Variants in NOS1 observed in about 807,000 individuals in gnomAD.
NOS1 encodes NOS type I.
A neutral mutation model predicts 164.5 loss-of-function variants in NOS1; 51 were observed. The observed-to-expected ratio is 0.31, with a 90% CI of 0.25 to 0.39. NOS1 has a LOEUF of 0.39. Among genes scored for constraint, NOS1 ranks in the 10% least tolerant of loss-of-function variants. The pLI, the probability that NOS1 is intolerant of heterozygous loss-of-function variation, is 1.00. For synonymous variants in NOS1, 719 were observed against 745.8 expected, an observed-to-expected ratio of 0.96 and a Z score of 0.59; for missense variants, 1,362 against 1,885.6, an observed-to-expected ratio of 0.72 and a Z score of 5.14.
intron 1 of NOS1, among the ~76,000 whole-genome samples, chr12:117,342,982 C>A (rs1478854778): frequency 6.6e-6 from 1 of 152,140 alleles, no homozygotes; most frequent in Admixed American, 6.5e-5. Context: ...CAGCTCCTGG[C>A]TTCCACTAGT....
intron 3 of NOS1, among the ~76,000 whole-genome samples, chr12:117,304,438 C>G (rs916700876): frequency 8.5e-5 from 13 of 152,150 alleles, no homozygotes; most frequent in Non-Finnish European, 1.8e-4. Flanking sequence ...GCATTTTGTG[C>G]TCCTCTTTAT....
intron 1 of NOS1, among the ~76,000 whole-genome samples, chr12:117,353,883 T>G (rs995771820): frequency 2.0e-5 from 3 of 152,206 alleles, no homozygotes; most frequent in Non-Finnish European, 1.5e-5. Flanking sequence ...GAGGATCATT[T>G]GAGCCCAGGA....
At chr12:117,294,105 AC>A (rs1395938862) in intron 3 of NOS1, among the ~76,000 whole-genome samples, 2 of 152,080 alleles carry the variant, frequency 1.3e-5, no homozygotes. Flanking sequence ...ACAGGAAGGC[AC>A]CCCAGCCATT....
intron 10 of NOS1, among the ~76,000 whole-genome samples, chr12:117,269,132 G>A (rs1344822149): frequency 1.3e-5 from 2 of 152,098 alleles, no homozygotes; most frequent in African/African-American, 4.8e-5. Context: ...TGGGGGCTGG[G>A]CTAATTCAGC....
chr12:117,268,565 C>T (rs1872585490), intron 10 of NOS1, among the ~76,000 whole-genome samples: 1 of 147,458 alleles, frequency 6.8e-6, no homozygotes, highest in South Asian at 2.1e-4. Flanking sequence ...AACTCATTCA[C>T]AGACTAATGA....
At chr12:117,303,321 T>A (rs1454922708) in intron 3 of NOS1, among the ~76,000 whole-genome samples, 1 of 152,100 alleles carries the variant, frequency 6.6e-6, no homozygotes, top group Non-Finnish European at 1.5e-5. Context: ...AATTTAGAGC[T>A]CTCTAGAGAA....
At position 117,331,003 on chromosome 12, in the gene NOS1, G is replaced by A. The variant is rs549377164; in HGVS notation, c.67C>T (p.Arg23Cys). The change falls in exon 2 of 29, where the codon CGC becomes TGC. Residue 23 changes from arginine (R) to cysteine (C), a missense_variant. Coordinates refer to ENST00000317775, the MANE Select transcript of NOS1 (RefSeq NM_000620.5). Reference sequence around the variant, plus strand: ...AGAAATCCCAGGCCCCCAACTTTGCGCTTGAAGAGACGAACAGAAATGACA... The same window carrying A: ...AGAAATCCCAGGCCCCCAACTTTGCACTTGAAGAGACGAACAGAAATGACA... ...PNVISVRLFKRKVGGLGFLVK... is the reference protein window; with the variant it reads ...PNVISVRLFKCKVGGLGFLVK... 5.6e-6 allele frequency: 9 copies of A among 1,614,164 alleles called. No homozygotes were observed. Among genetic ancestry groups the A allele is most frequent in the African/African-American group, 1.3e-5 (1 of 75,042 alleles).
At chr12:117,283,061 T>A (rs58084559) in intron 7 of NOS1, among the ~76,000 whole-genome samples, 6,307 of 141,482 alleles carry the variant, frequency 0.045, 331 homozygotes, top group African/African-American at 0.14. Context: ...TATATATTTT[T>A]TTTTTTTTTT....
chr12:117,287,526 C>T (rs1433560241), intron 5 of NOS1, among the ~76,000 whole-genome samples: 2 of 152,072 alleles, frequency 1.3e-5, no homozygotes, highest in Non-Finnish European at 2.9e-5. Context: ...ACAACCTCCA[C>T]CTCCCGGGTT....
chr12:117,236,311 G>A (rs1384219128), intron 20 of NOS1, among the ~76,000 whole-genome samples: 1 of 152,144 alleles, frequency 6.6e-6, no homozygotes, highest in Middle Eastern at 3.4e-3. Flanking sequence ...AATGGGACTC[G>A]CTATTTAAAG....
chr12:117,283,629 G>C (rs775201928), intron 7 of NOS1, among the ~76,000 whole-genome samples: 7 of 152,106 alleles, frequency 4.6e-5, no homozygotes, highest in Non-Finnish European at 8.8e-5. Flanking sequence ...GGCCGAGGCA[G>C]GTAGATAGCT....
chr12:117,296,392 AC>A (rs946433763), intron 3 of NOS1, among the ~76,000 whole-genome samples: 1 of 152,152 alleles, frequency 6.6e-6, no homozygotes, highest in African/African-American at 2.4e-5. Flanking sequence ...AGGCAGACCC[AC>A]CCTCAATGTG....
chr12:117,238,803 C>T (rs371350909), intron 20 of NOS1, among the ~76,000 whole-genome samples: 44 of 152,320 alleles, frequency 2.9e-4, no homozygotes, highest in African/African-American at 1.0e-3. Flanking sequence ...CTGTGAGCCA[C>T]TGCACCCGGC....
At chr12:117,320,186 T>C (rs575502312) in intron 2 of NOS1, among the ~76,000 whole-genome samples, 1 of 152,314 alleles carries the variant, frequency 6.6e-6, no homozygotes, top group African/African-American at 2.4e-5. Context: ...CCTAAACCCT[T>C]GAACCTGTAT....
chr12:117,358,249 T>G (rs1430452368), intron 1 of NOS1, among the ~76,000 whole-genome samples: 1 of 152,194 alleles, frequency 6.6e-6, no homozygotes, highest in East Asian at 1.9e-4. Flanking sequence ...TCTGGACAAC[T>G]GACTGAATGG....
At chr12:117,254,247 A>G (rs2135969844) in intron 16 of NOS1, among the ~76,000 whole-genome samples, 1 of 152,266 alleles carries the variant, frequency 6.6e-6, no homozygotes, top group East Asian at 1.9e-4. Flanking sequence ...AGCTGGGATT[A>G]CAGGCATGTG....
chr12:117,214,696 AC>A lies in NOS1; in HGVS notation c.*612del. On this transcript the variant is annotated 3_prime_UTR_variant, in exon 29 of 29. Transcript: ENST00000317775. ...AAATGTTTCAGGTACATGGGCGTGG[AC>A]CCTAATTATGGACACACGAGGGATT... 3.0e-6 allele frequency: 3 copies of A among 985,350 alleles called. No homozygotes were observed. The highest frequency in any genetic ancestry group is 2.4e-6 in the Non-Finnish European group (2 of 829,940). 61.0% of individuals were successfully genotyped at this position (985,350 alleles called of 1,614,324 possible).
chr12:117,266,127 T>G (rs1872390245), intron 11 of NOS1, among the ~76,000 whole-genome samples: 1 of 152,038 alleles, frequency 6.6e-6, no homozygotes, highest in Admixed American at 6.6e-5. Context: ...TTAATTTTTA[T>G]AGGCTTTTGG....
At chr12:117,252,808 C>T (rs146221698) in intron 17 of NOS1, among the ~76,000 whole-genome samples, 206 of 152,310 alleles carry the variant, frequency 1.4e-3, no homozygotes, top group African/African-American at 4.3e-3. Context: ...TCATCTACTA[C>T]GCATTGCTCT....
Sources: gnomAD v4.1 joint callset for allele counts (sites outside exome capture counted in the v4.1 genomes callset) on GRCh38, gnomAD v4.1.1 for gene constraint, MANE v1.5 for transcripts, NCBI Gene and HGNC (gene_info 2026-07-23, HGNC 2026-07-21) for gene names.